MYO10: variants seen among roughly 807,000 people sequenced by gnomAD.
The protein encoded by MYO10 is unconventional myosin-X.
Under a neutral mutation model 257.3 loss-of-function variants are expected in MYO10, and 133 were observed. The ratio of observed to expected loss-of-function variants is 0.52; its 90% CI spans 0.45 to 0.60. The LOEUF (loss-of-function observed/expected upper bound fraction) is 0.60, where lower values mean the gene tolerates loss of function less well. MYO10 is among the 20% of genes least tolerant of loss of function. The pLI is 0.00. For missense variants in MYO10, 2,399 were observed against 2,635.7 expected (o/e 0.91, Z 1.97); for synonymous variants, 1,104 against 1,028.6 (o/e 1.07, Z -1.40).
rs953047239 is a variant in MYO10, at chr5:16,701,226, C to T, written c.3169G>A (p.Val1057Met). Residue 1057 changes from valine to methionine, a missense_variant, in exon 25 of 41, where the codon GTG (valine) becomes ATG (methionine). Coordinates refer to ENST00000513610, the MANE Select transcript of MYO10 (RefSeq NM_012334.3). This position sits in a 1 kb window ranked among gnomAD's most constrained non-coding sequence, Gnocchi z 8.1. ...TTGTGTAGGCTCCCGGAGTCCTGCA[C>T]TGATGGGGCGAGCAGCACCGTGCTG... is the stretch of plus-strand genomic sequence containing the variant. ...ADSTVLLAPSVQDSGSLHNSS... is the reference protein window; with the variant it reads ...ADSTVLLAPSMQDSGSLHNSS... 1 of 1,612,670 alleles carries T rather than the reference C, an allele frequency of 6.2e-7. No individual in the cohort carries two copies.
chr5:16,739,452 T>C (rs768063407), intron 19 of MYO10, among the ~76,000 whole-genome samples: 6 of 152,218 alleles, frequency 3.9e-5, no homozygotes, highest in African/African-American at 1.2e-4. Context: ...TCTTGTTTGC[T>C]GTTGGCTTTA....
At chr5:16,850,388 C>T (rs1416132695) in intron 2 of MYO10, among the ~76,000 whole-genome samples, 1 of 152,084 alleles carries the variant, frequency 6.6e-6, no homozygotes, top group Admixed American at 6.5e-5. Flanking sequence ...ATTGATTCTT[C>T]TGCCTCAGCC....
intron 1 of MYO10, among the ~76,000 whole-genome samples, chr5:16,912,146 A>G (rs750171490): frequency 6.6e-6 from 1 of 152,162 alleles, no homozygotes; most frequent in Non-Finnish European, 1.5e-5. Context: ...TCTTCTTCCA[A>G]TGTGGCCCAG....
At chr5:16,729,907 C>T (rs1739517052) in intron 19 of MYO10, among the ~76,000 whole-genome samples, 3 of 152,038 alleles carry the variant, frequency 2.0e-5, no homozygotes, top group East Asian at 1.9e-4. Context: ...AGCAGAGAAA[C>T]GAGGAAGATG....
At chr5:16,681,209 G>T in intron 32 of MYO10, 100 bp downstream of exon 32, 2 of 1,268,754 alleles carry the variant, frequency 1.6e-6, no homozygotes, top group South Asian at 1.5e-5. Context: ...TCTTTGGGGG[G>T]AAATAAAGTA....
chr5:16,820,214 C>G (rs1742756789), intron 2 of MYO10, among the ~76,000 whole-genome samples: 1 of 152,244 alleles, frequency 6.6e-6, no homozygotes, highest in African/African-American at 2.4e-5. Flanking sequence ...AAACTTAGGC[C>G]AGAGTCAAAG....
chr5:16,775,042 T>A (rs1186734276), intron 9 of MYO10, among the ~76,000 whole-genome samples: 1 of 152,154 alleles, frequency 6.6e-6, no homozygotes, highest in South Asian at 2.1e-4. Context: ...AATAAACAGA[T>A]GATCACTCAG....
At chr5:16,910,419 G>A (rs751129287) in intron 1 of MYO10, among the ~76,000 whole-genome samples, 1 of 152,078 alleles carries the variant, frequency 6.6e-6, no homozygotes, top group Non-Finnish European at 1.5e-5. Flanking sequence ...GATCCACCCA[G>A]GTCTTCTGCC....
chr5:16,922,150 G>A (rs889999697), intron 1 of MYO10, among the ~76,000 whole-genome samples: 1 of 151,534 alleles, frequency 6.6e-6, no homozygotes, highest in African/African-American at 2.4e-5. Context: ...GGAGGCAGAG[G>A]CTGCAGTGAG....
chr5:16,750,761 C>T (rs1178327337), intron 19 of MYO10, among the ~76,000 whole-genome samples: 6 of 151,818 alleles, frequency 4.0e-5, no homozygotes, highest in African/African-American at 1.2e-4. Flanking sequence ...TTTGGGAGGC[C>T]GAGGCAAGGA....
intron 19 of MYO10, among the ~76,000 whole-genome samples, chr5:16,740,275 A>G (rs1223616536): frequency 6.6e-6 from 1 of 152,146 alleles, no homozygotes; most frequent in Non-Finnish European, 1.5e-5. Flanking sequence ...GCTTTAGAAC[A>G]AAGTCACTAC....
chr5:16,764,522 A>T, intron 11 of MYO10, 126 bp from the exon 12 acceptor site: 1 of 938,116 alleles, frequency 1.1e-6, no homozygotes, highest in Non-Finnish European at 1.6e-6. Flanking sequence ...GTGTGAAGTC[A>T]ATCGATCTCA....
intron 2 of MYO10, among the ~76,000 whole-genome samples, chr5:16,869,895 A>G (rs1408384255): frequency 6.8e-6 from 1 of 146,732 alleles, no homozygotes; most frequent in Non-Finnish European, 1.5e-5. Context: ...ATAACTTAAT[A>G]AAAACAGAAG....
intron 1 of MYO10, among the ~76,000 whole-genome samples, chr5:16,895,911 G>C (rs1414149505): frequency 6.6e-6 from 1 of 152,146 alleles, no homozygotes. Context: ...GGGCCCTGCC[G>C]CACAGCAGGG....
At chr5:16,921,757 C>T (rs560010213) in intron 1 of MYO10, among the ~76,000 whole-genome samples, 31 of 152,094 alleles carry the variant, frequency 2.0e-4, no homozygotes, top group Middle Eastern at 3.4e-3. Flanking sequence ...GCAATTTTGC[C>T]TCCTAGTGAT....
chr5:16,720,591 T>A (rs1033650023), intron 19 of MYO10, among the ~76,000 whole-genome samples: 6 of 152,108 alleles, frequency 3.9e-5, no homozygotes, highest in African/African-American at 1.4e-4. Flanking sequence ...GTAGCTGGGA[T>A]GGGAATATAG....
intron 19 of MYO10, among the ~76,000 whole-genome samples, chr5:16,748,917 C>A (rs1740298138): frequency 9.2e-6 from 1 of 108,856 alleles, no homozygotes; most frequent in African/African-American, 3.8e-5. Context: ...AGCTGACATC[C>A]CCCCAAAGTC....
intron 1 of MYO10, among the ~76,000 whole-genome samples, chr5:16,895,753 A>AACACACACACACAC (rs57628919): frequency 4.6e-5 from 6 of 131,648 alleles, no homozygotes; most frequent in East Asian, 4.9e-4. Flanking sequence ...CCAACACCAC[A>AACACACACACACAC]ACACACACAC....
At chr5:16,672,594 T>G in intron 37 of MYO10, 95 bp downstream of exon 37, 2 of 1,463,676 alleles carry the variant, frequency 1.4e-6, no homozygotes, top group Non-Finnish European at 1.9e-6. Flanking sequence ...CAATACAGCG[T>G]GAAGCCACAA....
Sources: gnomAD v4.1 joint callset for allele counts (sites outside exome capture counted in the v4.1 genomes callset) on GRCh38, gnomAD v4.1.1 for gene constraint, Gnocchi (gnomAD v3.1) non-coding constraint, MANE v1.5 for transcripts, NCBI Gene and HGNC (gene_info 2026-07-23, HGNC 2026-07-21) for gene names.